The following ZNF827 variants were observed in gnomAD, a reference collection of about 807,000 sequenced individuals.
ZNF827 encodes zinc finger protein 827.
In ZNF827, 13 loss-of-function variants were observed where a neutral mutation model predicts 102.4. The ratio of observed to expected loss-of-function variants is 0.13; its 90% confidence interval spans 0.08 to 0.20. The LOEUF (loss-of-function observed/expected upper bound fraction) is 0.20, where lower values mean the gene tolerates loss of function less well. Among genes scored for constraint, ZNF827 ranks in the 10% least tolerant of loss-of-function variants. The pLI, the probability that ZNF827 is intolerant of heterozygous loss-of-function variation, is 1.00. For synonymous variants in ZNF827, 523 were observed against 536.2 expected (o/e 0.98, Z 0.34); for missense variants, 1,103 against 1,344.4 (o/e 0.82, Z 2.81).
At chr4:145,793,534 A>G (rs912790589) in intron 8 of ZNF827, among the ~76,000 whole-genome samples, 9 of 151,282 alleles carry the variant, frequency 5.9e-5, no homozygotes, top group Non-Finnish European at 1.3e-4. Context: ...TTACCTTTTC[A>G]TGTTTTTCTG....
intron 1 of ZNF827, among the ~76,000 whole-genome samples, chr4:145,910,443 G>T (rs1260581220): frequency 6.6e-6 from 1 of 151,992 alleles, no homozygotes; most frequent in Non-Finnish European, 1.5e-5. Context: ...CACCTCCCTT[G>T]ACTCTTCTCT....
chr4:145,766,569 G>C (rs1735329908), intron 11 of ZNF827, among the ~76,000 whole-genome samples: 1 of 152,208 alleles, frequency 6.6e-6, no homozygotes, highest in South Asian at 2.1e-4. Flanking sequence ...AGAGCTGAGG[G>C]TCTGACCAGA....
At chr4:145,828,559 G>A (rs28546522) in intron 7 of ZNF827, among the ~76,000 whole-genome samples, 2 of 152,172 alleles carry the variant, frequency 1.3e-5, no homozygotes, top group African/African-American at 4.8e-5. Flanking sequence ...GCATCTGGAA[G>A]TTGATGGTAT....
chr4:145,933,054 C>T (rs1307056052), intron 1 of ZNF827, among the ~76,000 whole-genome samples: 1 of 152,202 alleles, frequency 6.6e-6, no homozygotes, highest in Non-Finnish European at 1.5e-5. Flanking sequence ...CAACTCACAC[C>T]AGCTGTGTCA....
intron 1 of ZNF827, among the ~76,000 whole-genome samples, chr4:145,924,711 C>A (rs1050497472): frequency 6.6e-6 from 1 of 152,186 alleles, no homozygotes; most frequent in East Asian, 1.9e-4. Context: ...AAGAAACTAC[C>A]ACACCTCACA....
intron 11 of ZNF827, among the ~76,000 whole-genome samples, chr4:145,769,948 T>A (rs1735991504): frequency 6.6e-6 from 1 of 152,244 alleles, no homozygotes; most frequent in African/African-American, 2.4e-5. Context: ...CTTTTCATTC[T>A]TAACAAAGTA....
At chr4:145,764,156 G>A (rs1734931414) in intron 13 of ZNF827, among the ~76,000 whole-genome samples, 1 of 152,238 alleles carries the variant, frequency 6.6e-6, no homozygotes, top group South Asian at 2.1e-4. Context: ...TCGTTTAGCT[G>A]AGAATTAGTA....
In ZNF827 at chr4:145,774,609, G is replaced by A. The variant is rs775070453; in HGVS notation, c.2757C>T (p.His919=). ...AAAACATCCACTGCTCCTTGTCCAC[G>A]TGGAGTGACATGTGGCTGACAAACT... ...NVQFVSHMSL[H]VDKEQWMFSI... Residue 919 remains histidine (H), a synonymous_variant, in exon 11 of 15, where the codon CAC becomes CAT. Transcript: ENST00000508784. The A allele has an allele frequency of 2.5e-5, 41 of 1,613,642 alleles. No individual in the cohort carries two copies. The highest frequency in any genetic ancestry group is 6.7e-5 in the East Asian group (3 of 44,884).
intron 8 of ZNF827, among the ~76,000 whole-genome samples, chr4:145,819,571 T>C (rs1742944165): frequency 6.6e-6 from 1 of 152,250 alleles, no homozygotes; most frequent in South Asian, 2.1e-4. Context: ...GTGAAACAAC[T>C]ATAAATTAAA....
Position 145,885,856 on chromosome 4 carries a change from C to T in ZNF827, c.1569G>A (p.Lys523=). 6.2e-7 allele frequency: 1 copy of T among 1,614,240 alleles called. No individual in the cohort carries two copies. The highest frequency in any genetic ancestry group is 2.2e-5 in the East Asian group (1 of 44,874). The change falls in exon 4 of 15, where the codon AAG becomes AAA. Residue 523 remains lysine, a synonymous_variant. Transcript: ENST00000508784. ...GGAGVSPLLV[K]EEPKEDNGLP... ...GGCCGTTATCTTCCTTGGGTTCCTC[C>T]TTCACCAGCAAAGGCGAGACGCCAG...
At chr4:145,833,564 A>C (rs1393588284) in intron 7 of ZNF827, among the ~76,000 whole-genome samples, 1 of 149,440 alleles carries the variant, frequency 6.7e-6, no homozygotes, top group Non-Finnish European at 1.5e-5. Flanking sequence ...AGTACCACTC[A>C]ACCCCTTCTC....
intron 8 of ZNF827, among the ~76,000 whole-genome samples, chr4:145,815,372 C>T (rs1742497820): frequency 6.6e-6 from 1 of 152,110 alleles, no homozygotes. Flanking sequence ...CTAAGAGACA[C>T]AATGAATGAG....
chr4:145,864,922 T>C (rs546869863), intron 5 of ZNF827, among the ~76,000 whole-genome samples: 2 of 152,334 alleles, frequency 1.3e-5, no homozygotes, highest in South Asian at 4.1e-4. Flanking sequence ...CCGTATAGAT[T>C]ACTGAAGTCA....
At chr4:145,817,297 G>C (rs1742681646) in intron 8 of ZNF827, among the ~76,000 whole-genome samples, 1 of 152,168 alleles carries the variant, frequency 6.6e-6, no homozygotes, top group African/African-American at 2.4e-5. Flanking sequence ...ATTTTCTCCT[G>C]TGCTAGCATA....
At chr4:145,886,255 G>A in intron 3 of ZNF827, 97 bp from the exon 4 acceptor site, 1 of 1,461,444 alleles carries the variant, frequency 6.8e-7, no homozygotes. Context: ...TCCTCACCGT[G>A]CAAAGGGCTG....
chr4:145,841,915 G>T (rs1745456598), intron 7 of ZNF827, among the ~76,000 whole-genome samples: 1 of 150,446 alleles, frequency 6.6e-6, no homozygotes, highest in Admixed American at 6.7e-5. Context: ...TAAGTTCTTA[G>T]GATAAAAAAA....
chr4:145,863,583 A>T (rs1176871094), intron 5 of ZNF827, among the ~76,000 whole-genome samples: 2 of 152,278 alleles, frequency 1.3e-5, no homozygotes, highest in African/African-American at 4.8e-5. Flanking sequence ...TTTATGTTAC[A>T]ACATAGAAAA....
Position 145,849,207 on chromosome 4 carries a change from G to T in ZNF827, c.2221+115C>A. Reference sequence around the variant, plus strand: ...GTATGCATGTTAAAGCAACAAAATTGATTTCTGTCTAAAAAATCCTATAAT... The same window carrying T: ...GTATGCATGTTAAAGCAACAAAATTTATTTCTGTCTAAAAAATCCTATAAT... On this transcript the variant is annotated intron_variant, in intron 6 of 14. Transcript: ENST00000508784. The T allele has an allele frequency of 1.5e-6, 2 of 1,354,930 alleles. 1 individual carries two copies. Among genetic ancestry groups the T allele is most frequent in the East Asian group, 4.9e-5 (2 of 40,648 alleles). 83.9% of individuals were successfully genotyped at this position (1,354,930 alleles called of 1,614,324 possible). A position where few individuals can be genotyped will look rare whatever the true frequency, so the allele number is the denominator to read the frequency against.
chr4:145,774,751 A>AGTGTC, intron 10 of ZNF827, 79 bp from the exon 11 acceptor site: 1 of 1,456,348 alleles, frequency 6.9e-7, no homozygotes. Context: ...CCATTTATAC[A>AGTGTC]CAGTACACTC....
Sources: gnomAD v4.1 joint callset for allele counts (sites outside exome capture counted in the v4.1 genomes callset) on GRCh38, gnomAD v4.1.1 for gene constraint, MANE v1.5 for transcripts, NCBI Gene and HGNC (gene_info 2026-07-23, HGNC 2026-07-21) for gene names.